CDH8: variants seen among roughly 807,000 people sequenced by gnomAD.
The protein encoded by CDH8 is cadherin-8.
In CDH8, 17 loss-of-function variants were observed where a neutral mutation model predicts 68.1. The observed-to-expected ratio is 0.25, with a 90% confidence interval of 0.17 to 0.37. CDH8 has a LOEUF of 0.37. Among genes scored for constraint, CDH8 ranks in the 10% least tolerant of loss-of-function variants. The probability of loss-of-function intolerance (pLI) is 1.00; values close to 1 mark genes in which losing one functional copy is unlikely to be tolerated. For synonymous variants in CDH8, 372 were observed against 365.1 expected (o/e 1.02, Z -0.21); for missense variants, 763 against 999.3 (o/e 0.76, Z 3.19).
chr16:61,973,880 A>T (rs1306415697), intron 2 of CDH8, among the ~76,000 whole-genome samples: 1 of 152,164 alleles, frequency 6.6e-6, no homozygotes, highest in Admixed American at 6.6e-5. Flanking sequence ...TCCCATCTCA[A>T]ATAATTGAAA....
intron 2 of CDH8, among the ~76,000 whole-genome samples, chr16:61,969,331 T>C (rs907809574): frequency 3.3e-5 from 5 of 152,224 alleles, no homozygotes; most frequent in South Asian, 4.1e-4. Context: ...AGACCCATCA[T>C]TGAACGGATT....
At chr16:61,678,914 C>T (rs530479299) in intron 10 of CDH8, among the ~76,000 whole-genome samples, 1 of 152,116 alleles carries the variant, frequency 6.6e-6, no homozygotes, top group Non-Finnish European at 1.5e-5. Context: ...TAGTTCTGAA[C>T]TTTTGAAATA....
chr16:61,701,784 G>A (rs969317306), intron 10 of CDH8, among the ~76,000 whole-genome samples: 26 of 152,156 alleles, frequency 1.7e-4, no homozygotes, highest in Non-Finnish European at 1.3e-4. Context: ...TTTCCAGCAA[G>A]CAGATTTCCT....
intron 8 of CDH8, 151 bp downstream of exon 8, chr16:61,789,195 G>C (rs1462915394): frequency 3.4e-6 from 2 of 595,464 alleles, no homozygotes; most frequent in Admixed American, 6.9e-5. Flanking sequence ...ATTTTGTGTT[G>C]AGATGATACA....
intron 2 of CDH8, among the ~76,000 whole-genome samples, chr16:62,010,671 G>A (rs1298444870): frequency 6.6e-6 from 1 of 152,078 alleles, no homozygotes; most frequent in Non-Finnish European, 1.5e-5. Context: ...AGGCACGGTG[G>A]CTCACGCCTG....
chr16:61,873,411 A>G (rs963623181), intron 3 of CDH8, among the ~76,000 whole-genome samples: 2 of 152,188 alleles, frequency 1.3e-5, no homozygotes, highest in Non-Finnish European at 2.9e-5. Flanking sequence ...GTTCAACATA[A>G]GGATTCCCAG....
At chr16:61,745,790 G>C (rs1236724222) in intron 8 of CDH8, among the ~76,000 whole-genome samples, 1 of 151,664 alleles carries the variant, frequency 6.6e-6, no homozygotes, top group Non-Finnish European at 1.5e-5. Flanking sequence ...TATATTCTTA[G>C]TTGGAAAATT....
intron 8 of CDH8, 114 bp from the exon 9 acceptor site, chr16:61,727,329 T>C: frequency 9.5e-7 from 1 of 1,050,762 alleles, no homozygotes; most frequent in Non-Finnish European, 1.4e-6. Context: ...TTAGGATGTT[T>C]TCAACATGGT....
rs562158769 is a variant in CDH8 at position 61,656,968 on chromosome 16, T to C, written c.1655-1247A>G. On this transcript the variant is annotated intron_variant, in intron 10 of 11. Coordinates refer to ENST00000577390, the MANE Select transcript of CDH8 (RefSeq NM_001796.5). ...CATTTACTCAAAATGGAAATGCTGA[T>C]TAACTCTCACTGATATTACAGCCAA... Among the ~76,000 whole-genome samples, 3 of 152,262 alleles carry C rather than the reference T, an allele frequency of 2.0e-5. No individual in the cohort carries two copies. In the South Asian group the frequency reaches 6.2e-4, roughly 32 times the overall value.
At chr16:61,938,493 C>A (rs534469131) in intron 2 of CDH8, among the ~76,000 whole-genome samples, 1 of 152,144 alleles carries the variant, frequency 6.6e-6, no homozygotes, top group Non-Finnish European at 1.5e-5. Flanking sequence ...AGAGGCCCTA[C>A]GCCTTGTCCA....
At chr16:62,025,031 A>C (rs1338791687) in intron 1 of CDH8, among the ~76,000 whole-genome samples, 1 of 152,178 alleles carries the variant, frequency 6.6e-6, no homozygotes, top group Admixed American at 6.5e-5. Context: ...TAGTCTTAGA[A>C]GGTTTAAAAG....
intron 10 of CDH8, among the ~76,000 whole-genome samples, chr16:61,708,078 C>T (rs28595640): frequency 0.037 from 5,598 of 152,176 alleles, 124 homozygotes; most frequent in South Asian, 0.049. Flanking sequence ...AAAGATTCTA[C>T]GCACGAAGGC....
chr16:61,971,721 TCTGTCTTTC>T lies in CDH8; in HGVS notation c.252+49422_252+49430del, dbSNP rs563733204. Among the ~76,000 whole-genome samples, 277 of 152,298 alleles carry T rather than the reference TCTGTCTTTC, an allele frequency of 1.8e-3. 1 individual carries two copies. The highest frequency in any genetic ancestry group is 5.3e-3 in the Admixed American group (81 of 15,302). On this transcript the variant is annotated intron_variant, in intron 2 of 11. Coordinates refer to ENST00000577390, the MANE Select transcript of CDH8 (RefSeq NM_001796.5). Reference sequence around the variant, plus strand: ...GTTTGGAGGGTGGGGTTGAAATGCCTCTGTCTTTCCTGTGACCAGCTCCCACGCTAGAGC... The same window carrying T: ...GTTTGGAGGGTGGGGTTGAAATGCCTCTGTGACCAGCTCCCACGCTAGAGC...
intron 7 of CDH8, among the ~76,000 whole-genome samples, chr16:61,817,005 A>G (rs1962090327): frequency 6.6e-6 from 1 of 152,142 alleles, no homozygotes; most frequent in African/African-American, 2.4e-5. Flanking sequence ...CAGAAATAAA[A>G]TAGGAGCCTC....
At chr16:61,851,679 A>T (rs894265207) in intron 4 of CDH8, among the ~76,000 whole-genome samples, 1 of 152,068 alleles carries the variant, frequency 6.6e-6, no homozygotes, top group Non-Finnish European at 1.5e-5. Context: ...ACATTTTAAG[A>T]ATACAAGTAA....
At chr16:61,919,151 G>A (rs1196440883) in intron 2 of CDH8, among the ~76,000 whole-genome samples, 11 of 144,980 alleles carry the variant, frequency 7.6e-5, no homozygotes, top group Non-Finnish European at 1.5e-4. Flanking sequence ...CATCCACACC[G>A]AAAACCCATC....
chr16:61,948,982 G>A (rs568630714), intron 2 of CDH8, among the ~76,000 whole-genome samples: 8 of 152,256 alleles, frequency 5.3e-5, no homozygotes, highest in South Asian at 2.1e-4. Flanking sequence ...AGTACCTACC[G>A]TGTGTATCTT....
intron 10 of CDH8, among the ~76,000 whole-genome samples, chr16:61,705,424 C>A (rs1038135486): frequency 2.6e-5 from 4 of 152,126 alleles, no homozygotes; most frequent in Non-Finnish European, 5.9e-5. Context: ...GAATCATCAG[C>A]CCCAGTTCAC....
At chr16:61,962,806 G>A (rs1295085695) in intron 2 of CDH8, among the ~76,000 whole-genome samples, 1 of 152,204 alleles carries the variant, frequency 6.6e-6, no homozygotes, top group Non-Finnish European at 1.5e-5. Context: ...TCAGGTGAAT[G>A]TTTTTAGACA....
Sources: allele counts gnomAD v4.1 joint callset (sites outside exome capture counted in the v4.1 genomes callset), GRCh38; gene constraint gnomAD v4.1.1; transcripts MANE v1.5; gene names NCBI Gene and HGNC (gene_info 2026-07-23, HGNC 2026-07-21).